XRRA1: variants seen among roughly 807,000 people sequenced by gnomAD.
XRRA1 encodes X-ray radiation resistance-associated protein 1.
A neutral mutation model predicts 80.2 loss-of-function variants in XRRA1; 69 were observed. That is an observed-to-expected ratio of 0.86 (90% CI 0.71 to 1.05). XRRA1 has a LOEUF of 1.05. Ranked by LOEUF, XRRA1 falls within the 50% of genes least tolerant of loss-of-function variation. The pLI is 0.00. For missense variants in XRRA1, 967 were observed against 976.4 expected (o/e 0.99, Z 0.13); for synonymous variants, 348 against 389.9 (o/e 0.89, Z 1.27).
intron 10 of XRRA1, among the ~76,000 whole-genome samples, chr11:74,869,730 C>T (rs564254298): frequency 1.6e-4 from 24 of 152,144 alleles, no homozygotes; most frequent in African/African-American, 5.6e-4. Context: ...AGATGGCACA[C>T]CTGGTCCAAC....
chr11:74,886,308 A>AAACGCCAT (rs1381824518), intron 10 of XRRA1, among the ~76,000 whole-genome samples: 1 of 152,218 alleles, frequency 6.6e-6, no homozygotes, highest in Non-Finnish European at 1.5e-5. Context: ...TACACCTAGG[A>AAACGCCAT]AACGCCATAG....
chr11:74,848,971 C>A (rs1023970488), intron 14 of XRRA1, among the ~76,000 whole-genome samples: 1 of 152,158 alleles, frequency 6.6e-6, no homozygotes, highest in Admixed American at 6.5e-5. Flanking sequence ...GGATGCTGTT[C>A]CCTATACCTT....
At chr11:74,896,774 A>C (rs922949371) in intron 10 of XRRA1, among the ~76,000 whole-genome samples, 7 of 152,200 alleles carry the variant, frequency 4.6e-5, no homozygotes, top group Non-Finnish European at 1.0e-4. Context: ...AAAGAACAAG[A>C]GTCTCCGCCT....
chr11:74,917,151 T>C (rs1010588695), intron 8 of XRRA1, among the ~76,000 whole-genome samples: 1 of 152,168 alleles, frequency 6.6e-6, no homozygotes, highest in Non-Finnish European at 1.5e-5. Flanking sequence ...TGATGAGAAG[T>C]AGCAATCAGT....
rs977635910 is a variant in XRRA1 at position 74,880,770 on chromosome 11, T to G, written c.1004-17749A>C. Among the ~76,000 whole-genome samples the G allele has an allele frequency of 1.3e-4, 19 of 151,478 alleles. No individual in the cohort carries two copies. The South Asian group carries it at 1.5e-3, about 12-fold the overall frequency. ...GTTCAGTTTCCATGTAGTTGAGCGGTTTTGAGTGAGATTCTTAATCCTGAG... is the reference window on the plus strand; with the variant it reads ...GTTCAGTTTCCATGTAGTTGAGCGGGTTTGAGTGAGATTCTTAATCCTGAG... On this transcript the variant is annotated intron_variant, in intron 10 of 18. Transcript: ENST00000684022.
chr11:74,933,683 T>A, intron 5 of XRRA1, 118 bp downstream of exon 5: 1 of 837,212 alleles, frequency 1.2e-6, no homozygotes, highest in East Asian at 2.7e-5. Flanking sequence ...CCCTCCTTCT[T>A]CGTGACCAGA....
At chr11:74,935,783 T>C (rs745476598) in intron 4 of XRRA1, among the ~76,000 whole-genome samples, 1 of 152,206 alleles carries the variant, frequency 6.6e-6, no homozygotes, top group African/African-American at 2.4e-5. Context: ...TACCCCATGA[T>C]TCTGAAAAAC....
intron 10 of XRRA1, among the ~76,000 whole-genome samples, chr11:74,894,123 A>C (rs1310115429): frequency 6.6e-6 from 1 of 152,226 alleles, no homozygotes; most frequent in African/African-American, 2.4e-5. Context: ...AACACAGATG[A>C]GCTGGAGACC....
chr11:74,928,386 T>C (rs1204719832), intron 6 of XRRA1, among the ~76,000 whole-genome samples: 4 of 152,216 alleles, frequency 2.6e-5, no homozygotes, highest in Admixed American at 1.3e-4. Flanking sequence ...ATTCCTATAA[T>C]TGGATATATC....
intron 14 of XRRA1, 25 bp downstream of exon 14, chr11:74,851,063 G>A (rs759793325): frequency 1.9e-6 from 3 of 1,579,888 alleles, no homozygotes; most frequent in Non-Finnish European, 2.6e-6. Context: ...TCCTGGGGGT[G>A]GGAGTCCTGC....
intron 14 of XRRA1, among the ~76,000 whole-genome samples, chr11:74,849,634 C>G (rs1047416592): frequency 3.9e-5 from 6 of 152,124 alleles, no homozygotes; most frequent in African/African-American, 1.4e-4. Flanking sequence ...AGGAAATGCT[C>G]TTTCTCTATC....
intron 6 of XRRA1, among the ~76,000 whole-genome samples, chr11:74,929,292 GTC>G (rs147009951): frequency 6.6e-6 from 1 of 151,240 alleles, no homozygotes; most frequent in African/African-American, 2.4e-5. Flanking sequence ...ATCTCTGTCT[GTC>G]TCTCTCTCTC....
rs114783552 is a variant in XRRA1 at position 74,877,386 on chromosome 11, T to C, written c.1004-14365A>G. 6.3e-3 allele frequency among the ~76,000 whole-genome samples: 963 copies of C among 152,322 alleles called. 11 individuals carry two copies. The highest frequency in any genetic ancestry group is 0.022 in the African/African-American group (931 of 41,570). ...GCAACTAGTATTACAACCCATCAAA[T>C]GGCTATCAGGTATCAAACTCTACTG... On this transcript the variant is annotated intron_variant, in intron 10 of 18. Coordinates refer to ENST00000684022, the MANE Select transcript of XRRA1 (RefSeq NM_001378157.1).
chr11:74,857,372 A>G (rs1242708288), intron 12 of XRRA1, among the ~76,000 whole-genome samples: 2 of 139,598 alleles, frequency 1.4e-5, no homozygotes, highest in East Asian at 4.1e-4. Flanking sequence ...AAGGAATATG[A>G]TTAGAGGCAA....
chr11:74,866,697 T>C (rs1227692019), intron 10 of XRRA1, among the ~76,000 whole-genome samples: 1 of 134,160 alleles, frequency 7.5e-6, no homozygotes, highest in African/African-American at 2.7e-5. Context: ...TTGAAAAATA[T>C]AATGAATGAA....
chr11:74,857,284 T>C (rs1369053380), intron 12 of XRRA1, among the ~76,000 whole-genome samples: 2 of 151,846 alleles, frequency 1.3e-5, no homozygotes, highest in Admixed American at 1.3e-4. Context: ...TATAAATAGG[T>C]TGCAAGTAAA....
At chr11:74,862,016 T>C (rs912725269) in intron 11 of XRRA1, among the ~76,000 whole-genome samples, 4 of 152,228 alleles carry the variant, frequency 2.6e-5, no homozygotes, top group African/African-American at 9.6e-5. Flanking sequence ...TACGGGGCTT[T>C]TGACTTGCTT....
At chr11:74,927,293 A>G in intron 7 of XRRA1, 98 bp downstream of exon 7, 1 of 367,698 alleles carries the variant, frequency 2.7e-6, no homozygotes, top group Non-Finnish European at 4.8e-6. Context: ...GTACAGGCCC[A>G]GCAAGCCCCT....
chr11:74,907,183 GGAGAGTCT>G lies in XRRA1; in HGVS notation c.739_746del (p.Arg247GlnfsTer21). The G allele has an allele frequency of 6.2e-7, 1 of 1,613,980 alleles. No individual in the cohort carries two copies. Among genetic ancestry groups the G allele is most frequent in the Non-Finnish European group, 8.5e-7 (1 of 1,179,876 alleles). ...CCAGGCTGGCAAAGCAACTGGGGTT[GGAGAGTCT>G]GTTGTCATCCAGCATCAGTGTCTCC... On this transcript the variant is annotated frameshift_variant, in exon 9 of 19. Transcript: ENST00000684022. LOFTEE classifies it high-confidence loss of function.
Sources: gnomAD v4.1 joint callset for allele counts (sites outside exome capture counted in the v4.1 genomes callset) on GRCh38, gnomAD v4.1.1 for gene constraint, MANE v1.5 for transcripts, NCBI Gene and HGNC (gene_info 2026-07-23, HGNC 2026-07-21) for gene names.